ANGPT2: variants seen among roughly 807,000 people sequenced by gnomAD.
ANGPT2 encodes angiopoietin 2.
ANGPT2 carries 28 observed loss-of-function variants against 62.9 expected under a neutral mutation model. The observed-to-expected ratio is 0.44, with a 90% CI of 0.33 to 0.61. ANGPT2 has a LOEUF of 0.61. ANGPT2 is among the 20% of genes least tolerant of loss of function. The pLI is 0.03. For synonymous variants in ANGPT2, 284 were observed against 207.8 expected, an observed-to-expected ratio of 1.37 and a Z score of -3.15; for missense variants, 727 against 594.9, an observed-to-expected ratio of 1.22 and a Z score of -2.31.
At chr8:6,504,918 T>C (rs1812976897) in intron 8 of ANGPT2, among the ~76,000 whole-genome samples, 2 of 152,078 alleles carry the variant, frequency 1.3e-5, no homozygotes, top group Admixed American at 1.3e-4. Context: ...GGAGGACTGC[T>C]GTAACCTTGA....
intron 1 of ANGPT2, among the ~76,000 whole-genome samples, chr8:6,555,897 T>A (rs560529019): frequency 6.6e-6 from 1 of 152,342 alleles, no homozygotes; most frequent in East Asian, 1.9e-4. Context: ...TGTTTTTGCT[T>A]GTTTTCCTAG....
intron 7 of ANGPT2, 121 bp from the exon 8 acceptor site, chr8:6,509,183 A>G (rs562851132): frequency 1.6e-6 from 2 of 1,272,032 alleles, no homozygotes; most frequent in East Asian, 2.4e-5. Context: ...TTAATGGACT[A>G]ATGCATACTC....
intron 1 of ANGPT2, among the ~76,000 whole-genome samples, chr8:6,562,030 C>A (rs1017451728): frequency 6.6e-6 from 1 of 152,206 alleles, no homozygotes; most frequent in Admixed American, 6.5e-5. Flanking sequence ...CGCTTGGGAA[C>A]TGTGCCCCTG....
chr8:6,503,039 A>C lies in ANGPT2; in HGVS notation c.*62T>G, dbSNP rs1261975823. 5 of 1,589,642 alleles carry C rather than the reference A, an allele frequency of 3.1e-6. No homozygotes were observed. Among genetic ancestry groups the C allele is most frequent in the Non-Finnish European group, 4.3e-6 (5 of 1,163,438 alleles). On this transcript the variant is annotated 3_prime_UTR_variant, in exon 9 of 9. Coordinates refer to ENST00000629816, the MANE Select transcript of ANGPT2 (RefSeq NM_001118887.2). ...GACACAGTGCGCAGCCGTGACTTTC[A>C]GTGCACTGGGCTTAAGTCTTTGAAA...
intron 1 of ANGPT2, among the ~76,000 whole-genome samples, chr8:6,533,092 C>A (rs1819831255): frequency 6.6e-6 from 1 of 152,232 alleles, no homozygotes; most frequent in Admixed American, 6.5e-5. Context: ...TTAAATTTTT[C>A]CTAACATGTA....
chr8:6,549,649 G>C (rs571607528), intron 1 of ANGPT2, among the ~76,000 whole-genome samples: 2 of 149,786 alleles, frequency 1.3e-5, no homozygotes, highest in African/African-American at 2.5e-5. Context: ...ACAAAGAGGG[G>C]CGTGAGGGAG....
chr8:6,515,321 CA>C (rs1248944120), intron 5 of ANGPT2, among the ~76,000 whole-genome samples: 1 of 152,130 alleles, frequency 6.6e-6, no homozygotes, highest in Non-Finnish European at 1.5e-5. Flanking sequence ...CCTTTATGTG[CA>C]ATACTAATCA....
chr8:6,503,780 T>G (rs1019161649), intron 8 of ANGPT2, among the ~76,000 whole-genome samples: 1 of 152,162 alleles, frequency 6.6e-6, no homozygotes, highest in African/African-American at 2.4e-5. Context: ...AAAGGAAATT[T>G]AAAGTGAGAG....
chr8:6,530,996 G>A (rs1018388671), intron 2 of ANGPT2, among the ~76,000 whole-genome samples: 2 of 144,978 alleles, frequency 1.4e-5, no homozygotes, highest in African/African-American at 5.5e-5. Context: ...ACTTAAATCT[G>A]CTCTTTTTTT....
rs148487003 is a variant in ANGPT2 at position 6,513,455 on chromosome 8, C to G, written c.1196+223G>C. Reference sequence around the variant, plus strand: ...TCACGCCATTCTTCTGCCTCAGCCTCCCGAGTAGCTGGGACTACAGGCGCC... The same window carrying G: ...TCACGCCATTCTTCTGCCTCAGCCTGCCGAGTAGCTGGGACTACAGGCGCC... On this transcript the variant is annotated intron_variant, in intron 7 of 8. Transcript: ENST00000629816. Among the ~76,000 whole-genome samples the G allele has an allele frequency of 9.3e-3, 1,413 of 151,968 alleles. 22 individuals are homozygous for G. The highest frequency in any genetic ancestry group is 0.033 in the African/African-American group (1,351 of 41,420).
Position 6,505,418 on chromosome 8 carries a change from TACATAAAGA to T in ANGPT2, c.1328-2166_1328-2158del, listed in dbSNP as rs1277857003. On this transcript the variant is annotated intron_variant, in intron 8 of 8. Transcript: ENST00000629816. ...ATATAGAATATATATATTCTTTATATACATAAAGAATATATATATTCTTTATATACATAT... is the reference window on the plus strand; with the variant it reads ...ATATAGAATATATATATTCTTTATATATATATATATTCTTTATATACATAT... Among the ~76,000 whole-genome samples the T allele has an allele frequency of 1.9e-4, 16 of 85,782 alleles. 3 individuals are homozygous for T. Among genetic ancestry groups the T allele is most frequent in the African/African-American group, 7.1e-4 (16 of 22,654 alleles). 56.3% of individuals were successfully genotyped at this position (85,782 alleles called of 152,430 possible).
rs748743250 is a variant in ANGPT2 at position 6,503,192 on chromosome 8, T to C, written c.1397A>G (p.Asn466Ser). 7 of 1,614,230 alleles carry C rather than the reference T, an allele frequency of 4.3e-6. No individual in the cohort carries two copies. The highest frequency in any genetic ancestry group is 5.9e-6 in the Non-Finnish European group (7 of 1,180,042). Reference sequence around the variant, plus strand: ...GTACCATTTAATGCCGTTGAACTTATTTGTGTTCTGCCTCTGTGGATAGTA... The same window carrying C: ...GTACCATTTAATGCCGTTGAACTTACTTGTGTTCTGCCTCTGTGGATAGTA... ...GMYYPQRQNT[N>S]KFNGIKWYYW... The change falls in exon 9 of 9, where the codon AAT becomes AGT. Residue 466 changes from asparagine to serine, a missense_variant. Asn to Ser is a conservative substitution (Grantham distance 46). Coordinates refer to ENST00000629816, the MANE Select transcript of ANGPT2 (RefSeq NM_001118887.2).
chr8:6,507,813 C>T (rs910707878), intron 8 of ANGPT2: 5 of 147,276 alleles, frequency 3.4e-5, no homozygotes, highest in Non-Finnish European at 6.2e-5. Context: ...GAACTCCTAA[C>T]TTCAGGTGAT....
chr8:6,556,760 C>T (rs958365307), intron 1 of ANGPT2, among the ~76,000 whole-genome samples: 2 of 152,058 alleles, frequency 1.3e-5, no homozygotes, highest in South Asian at 2.1e-4. Flanking sequence ...ACCACAGCTG[C>T]GTGCCATTGT....
At chr8:6,536,311 A>G (rs1484151438) in intron 1 of ANGPT2, among the ~76,000 whole-genome samples, 1 of 152,138 alleles carries the variant, frequency 6.6e-6, no homozygotes, top group Non-Finnish European at 1.5e-5. Flanking sequence ...GGCGCCTCAC[A>G]TCAGCACAGG....
intron 1 of ANGPT2, among the ~76,000 whole-genome samples, chr8:6,534,544 C>T (rs759783201): frequency 1.1e-4 from 16 of 152,066 alleles, no homozygotes; most frequent in Admixed American, 2.6e-4. Flanking sequence ...GCTGGGACTA[C>T]GAGCGTGAGC....
In ANGPT2 at chr8:6,509,063, C is replaced by T. The variant is rs1814386299; in HGVS notation, c.1197-1G>A. The T allele has an allele frequency of 1.2e-6, 2 of 1,612,582 alleles. No homozygotes were observed. The highest frequency in any genetic ancestry group is 1.7e-5 in the Admixed American group (1 of 59,820). ...CCCTGTAAGTCCTTTAAGGTGAATCCTGTAAGCGTGCAAAGAAAAAAAACA... is the reference window on the plus strand; with the variant it reads ...CCCTGTAAGTCCTTTAAGGTGAATCTTGTAAGCGTGCAAAGAAAAAAAACA... On this transcript the variant is annotated splice_acceptor_variant, in intron 7 of 8. Transcript: ENST00000629816. LOFTEE classifies it high-confidence loss of function.
chr8:6,506,557 A>G (rs1456483133), intron 8 of ANGPT2, among the ~76,000 whole-genome samples: 1 of 152,168 alleles, frequency 6.6e-6, no homozygotes, highest in African/African-American at 2.4e-5. Context: ...ATGTGGGGAA[A>G]TGGTAGACAG....
At chr8:6,542,764 G>C (rs1172562801) in intron 1 of ANGPT2, among the ~76,000 whole-genome samples, 1 of 152,246 alleles carries the variant, frequency 6.6e-6, no homozygotes, top group South Asian at 2.1e-4. Flanking sequence ...GAGCTCTGTG[G>C]AGGAGGTAGC....
Sources: allele counts gnomAD v4.1 joint callset (sites outside exome capture counted in the v4.1 genomes callset), GRCh38; gene constraint gnomAD v4.1.1; transcripts MANE v1.5; gene names NCBI Gene and HGNC (gene_info 2026-07-23, HGNC 2026-07-21).